The following ABI3BP variants were observed in gnomAD, a reference collection of about 807,000 sequenced individuals.
The protein encoded by ABI3BP is ABI family member 3 binding protein, also known as target of Nesh-SH3.
In ABI3BP, 216 loss-of-function variants were observed where a neutral mutation model predicts 268.6. The observed-to-expected ratio is 0.80, with a 90% CI of 0.72 to 0.90. ABI3BP has a LOEUF of 0.90. Ranked by LOEUF, ABI3BP falls within the 40% of genes least tolerant of loss-of-function variation. The probability of loss-of-function intolerance (pLI) is 0.00; values close to 1 mark genes in which losing one functional copy is unlikely to be tolerated. For missense variants in ABI3BP, 2,090 were observed against 2,182.4 expected (o/e 0.96, Z 0.84); for synonymous variants, 730 against 730.0 (o/e 1.00, Z 0.00).
At chr3:100,915,547 G>C (rs143592669) in intron 2 of ABI3BP, among the ~76,000 whole-genome samples, 312 of 152,314 alleles carry the variant, frequency 2.0e-3, no homozygotes, top group Middle Eastern at 6.8e-3. Flanking sequence ...ACCAGGGCAG[G>C]AGGACATGAC....
intron 51 of ABI3BP, among the ~76,000 whole-genome samples, chr3:100,800,772 C>T (rs189873203): frequency 6.6e-6 from 1 of 152,352 alleles, no homozygotes; most frequent in East Asian, 1.9e-4. Context: ...AGCCACCACG[C>T]CCAGCCTGGA....
chr3:100,752,750 G>T (rs766793543), intron 66 of ABI3BP, 37 bp downstream of exon 66: 4 of 1,603,118 alleles, frequency 2.5e-6, no homozygotes, highest in Non-Finnish European at 3.4e-6. Flanking sequence ...ATTCCCATAA[G>T]TTAAGGGCTG....
intron 1 of ABI3BP, among the ~76,000 whole-genome samples, chr3:100,929,447 T>G (rs192830264): frequency 4.6e-5 from 7 of 152,152 alleles, no homozygotes. Context: ...CATATAACTA[T>G]TCAAATGAAT....
intron 1 of ABI3BP, among the ~76,000 whole-genome samples, chr3:100,943,896 G>A (rs1370800271): frequency 6.6e-6 from 1 of 152,016 alleles, no homozygotes; most frequent in African/African-American, 2.4e-5. Flanking sequence ...AATTATATAT[G>A]TATATTTCTA....
At chr3:100,768,345 C>CT in intron 62 of ABI3BP, among the ~76,000 whole-genome samples, 1 of 152,140 alleles carries the variant, frequency 6.6e-6, no homozygotes, top group African/African-American at 2.4e-5. Flanking sequence ...ACCTCAGCCT[C>CT]CCAGAGTGCT....
intron 19 of ABI3BP, among the ~76,000 whole-genome samples, chr3:100,846,822 A>G (rs548847258): frequency 6.6e-6 from 1 of 152,222 alleles, no homozygotes; most frequent in South Asian, 2.1e-4. Context: ...CACTAGGGGG[A>G]AAAAACACCA....
Position 100,810,351 on chromosome 3 carries a change from G to T in ABI3BP, c.3607+61C>A. 2.2e-6 allele frequency: 3 copies of T among 1,389,868 alleles called. No individual in the cohort carries two copies. The South Asian group carries it at 3.8e-5, about 18-fold the overall frequency. The allele number at this position is 1,389,868 out of a possible 1,614,324, so 86.1% of individuals were successfully genotyped here. A position where few individuals can be genotyped will look rare whatever the true frequency, so the allele number is the denominator to read the frequency against. On this transcript the variant is annotated intron_variant, in intron 49 of 67. Transcript: ENST00000471714. ...GTCAGGGCCTCTGATATCTTGAGGT[G>T]ACCATACTGACATTCTGCAAACACT... is the stretch of plus-strand genomic sequence containing the variant.
chr3:100,816,516 C>T lies in ABI3BP; in HGVS notation c.3229+172G>A, dbSNP rs1329919652. 3 of 705,582 alleles carry T rather than the reference C, an allele frequency of 4.3e-6. No homozygotes were observed. In the East Asian group the frequency reaches 8.1e-5, roughly 19 times the overall value. The allele number at this position is 705,582 out of a possible 1,614,324, so 43.7% of individuals were successfully genotyped here. ...CACACAAGTGGCTCCAAGCCATGTT[C>T]TCCTGGATAGCTCTGTACGAGAAGC... is the stretch of plus-strand genomic sequence containing the variant. On this transcript the variant is annotated intron_variant, in intron 43 of 67. Coordinates refer to ENST00000471714, the MANE Select transcript of ABI3BP (RefSeq NM_001375547.2).
chr3:100,980,087 G>A (rs1319684310), intron 1 of ABI3BP, among the ~76,000 whole-genome samples: 1 of 152,144 alleles, frequency 6.6e-6, no homozygotes, highest in African/African-American at 2.4e-5. Flanking sequence ...TTGTTTTGCT[G>A]AAAGACTGTC....
chr3:100,889,603 A>C (rs1192308669), intron 4 of ABI3BP, among the ~76,000 whole-genome samples: 1 of 152,144 alleles, frequency 6.6e-6, no homozygotes, highest in Non-Finnish European at 1.5e-5. Context: ...AAATACAGGT[A>C]GTAGTCTATG....
At position 100,749,344 on chromosome 3, in the gene ABI3BP, AACT is replaced by A. The variant is rs545390226; in HGVS notation, c.*1148_*1150del. 165 of 282,004 alleles carry A rather than the reference AACT, an allele frequency of 5.9e-4. No individual in the cohort carries two copies. The highest frequency in any genetic ancestry group is 2.9e-3 in the African/African-American group (136 of 46,430). The allele number at this position is 282,004 out of a possible 1,614,324, so 17.5% of individuals were successfully genotyped here. Reference sequence around the variant, plus strand: ...AAACAAAAACTCAATCTTAAAAAAAAACTACATCTCTTTATTGCAGAATTTATA... The same window carrying A: ...AAACAAAAACTCAATCTTAAAAAAAAACATCTCTTTATTGCAGAATTTATA... On this transcript the variant is annotated 3_prime_UTR_variant, in exon 68 of 68. Coordinates refer to ENST00000471714, the MANE Select transcript of ABI3BP (RefSeq NM_001375547.2).
chr3:100,838,723 TATATAA>T (rs2098645306), intron 24 of ABI3BP, among the ~76,000 whole-genome samples: 1 of 152,198 alleles, frequency 6.6e-6, no homozygotes, highest in South Asian at 2.1e-4. Flanking sequence ...ACATTTTTCC[TATATAA>T]ATAATTTCAA....
rs1370349208 is a variant in ABI3BP, at chr3:100,866,876, T to A, written c.988+3A>T. 4 of 1,612,612 alleles carry A rather than the reference T, an allele frequency of 2.5e-6. No homozygotes were observed. The African/African-American group carries it at 5.3e-5, about 22-fold the overall frequency. On this transcript the variant is annotated splice_donor_region_variant and intron_variant, in intron 10 of 67. Coordinates refer to ENST00000471714, the MANE Select transcript of ABI3BP (RefSeq NM_001375547.2). ...AAGGTCAACAACATAGCGATCTCAT[T>A]ACCTGTTGTGGGTCGTGCTGAGATT... is the stretch of plus-strand genomic sequence containing the variant.
chr3:100,804,680 G>T, intron 51 of ABI3BP, 112 bp downstream of exon 51: 2 of 939,236 alleles, frequency 2.1e-6, no homozygotes, highest in Admixed American at 2.0e-5. Flanking sequence ...ATACAACATG[G>T]GATTTAAACA....
chr3:100,983,308 A>G (rs1035902302), intron 1 of ABI3BP, among the ~76,000 whole-genome samples: 1 of 152,226 alleles, frequency 6.6e-6, no homozygotes, highest in African/African-American at 2.4e-5. Flanking sequence ...ATGCTGAAAA[A>G]TTATCCTTAA....
chr3:100,964,090 G>A (rs2080278749), intron 1 of ABI3BP, among the ~76,000 whole-genome samples: 1 of 152,146 alleles, frequency 6.6e-6, no homozygotes, highest in Non-Finnish European at 1.5e-5. Context: ...TCTTTTTGAT[G>A]AGAAGCAGCC....
In ABI3BP at chr3:100,926,418, A is replaced by T; in HGVS notation, c.143T>A (p.Leu48Ter). 6.2e-7 allele frequency: 1 copy of T among 1,613,502 alleles called. No homozygotes were observed. The highest frequency in any genetic ancestry group is 8.5e-7 in the Non-Finnish European group (1 of 1,179,594). Reference protein sequence around the residue: ...TTSDSILLKFLRPSPNVKLEG... With the variant: ...TTSDSILLKF Reference sequence around the variant, plus strand: ...AAGCTTTACATTTGGACTTGGACGCAAGAACTTCAAGAGGATGGAGTCACT... The same window carrying T: ...AAGCTTTACATTTGGACTTGGACGCTAGAACTTCAAGAGGATGGAGTCACT... The change falls in exon 2 of 68, where the codon TTG becomes TAG. Residue 48 changes from leucine (L) to a stop codon, truncating the protein, a stop_gained. Transcript: ENST00000471714. LOFTEE classifies it high-confidence loss of function.
chr3:100,752,757 G>C, intron 66 of ABI3BP, 30 bp downstream of exon 66: 1 of 1,606,998 alleles, frequency 6.2e-7, no homozygotes, highest in Non-Finnish European at 8.5e-7. Context: ...TAAGTTAAGG[G>C]CTGAAAACAG....
At chr3:100,769,224 T>G (rs1443003054) in intron 62 of ABI3BP, among the ~76,000 whole-genome samples, 1 of 152,222 alleles carries the variant, frequency 6.6e-6, no homozygotes, top group Non-Finnish European at 1.5e-5. Flanking sequence ...AGGTGAACTA[T>G]GGTTAAATAC....
Sources: allele counts gnomAD v4.1 joint callset (sites outside exome capture counted in the v4.1 genomes callset), GRCh38; gene constraint gnomAD v4.1.1; transcripts MANE v1.5; gene names NCBI Gene and HGNC (gene_info 2026-07-23, HGNC 2026-07-21).